FTO: variants seen among roughly 807,000 people sequenced by gnomAD.
FTO encodes FTO alpha-ketoglutarate dependent dioxygenase, also known as alpha-ketoglutarate-dependent dioxygenase FTO.
Under a neutral mutation model 63.9 loss-of-function variants are expected in FTO, and 47 were observed. The observed-to-expected ratio is 0.74, with a 90% CI of 0.58 to 0.94. FTO has a LOEUF of 0.94. Among genes scored for constraint, FTO ranks in the 40% least tolerant of loss-of-function variants. FTO has a pLI of 0.00. For synonymous variants in FTO, 207 were observed against 224.4 expected, an observed-to-expected ratio of 0.92 and a Z score of 0.69; for missense variants, 562 against 618.1, an observed-to-expected ratio of 0.91 and a Z score of 0.96.
chr16:53,869,188 GT>G (rs1213226699), intron 4 of FTO, among the ~76,000 whole-genome samples: 1 of 150,364 alleles, frequency 6.7e-6, no homozygotes, highest in African/African-American at 2.4e-5. Context: ...CTAGGTTGCT[GT>G]TTTTTTTTCC....
In FTO at chr16:53,832,250, G is replaced by A. The variant is rs2079163584; in HGVS notation, c.751+5759G>A. 2.0e-5 allele frequency among the ~76,000 whole-genome samples: 3 copies of A among 152,106 alleles called. No homozygotes were observed. The South Asian group carries it at 6.2e-4, about 32-fold the overall frequency. On this transcript the variant is annotated intron_variant, in intron 3 of 8. Transcript: ENST00000471389. ...CCCCTCTGTGAATGGCTTTATTCGG[G>A]AATAACTGACATACAATAAGCTATA... is the stretch of plus-strand genomic sequence containing the variant.
At chr16:54,088,579 A>G (rs2086301824) in intron 8 of FTO, among the ~76,000 whole-genome samples, 1 of 152,212 alleles carries the variant, frequency 6.6e-6, no homozygotes, top group South Asian at 2.1e-4. Context: ...GACAAAAACA[A>G]CTATGAGATA....
chr16:53,802,118 C>T (rs2078244170), intron 1 of FTO, among the ~76,000 whole-genome samples: 1 of 152,094 alleles, frequency 6.6e-6, no homozygotes, highest in Non-Finnish European at 1.5e-5. Flanking sequence ...TCATCTCTTG[C>T]TATCTGTGGG....
intron 1 of FTO, among the ~76,000 whole-genome samples, chr16:53,751,653 A>T (rs1026810183): frequency 7.2e-5 from 11 of 152,310 alleles, no homozygotes; most frequent in African/African-American, 2.6e-4. Flanking sequence ...GGTGAGAATC[A>T]GGAGTGAGGG....
chr16:54,107,326 G>C (rs1247502729), intron 8 of FTO, among the ~76,000 whole-genome samples: 1 of 152,070 alleles, frequency 6.6e-6, no homozygotes, highest in African/African-American at 2.4e-5. Flanking sequence ...TAATTGTTTA[G>C]CTGGGTTCAG....
At chr16:53,724,938 A>C (rs2076121351) in intron 1 of FTO, among the ~76,000 whole-genome samples, 1 of 152,152 alleles carries the variant, frequency 6.6e-6, no homozygotes, top group South Asian at 2.1e-4. Flanking sequence ...AAGTCCAGTA[A>C]AATTTTCTTA....
At position 54,093,194 on chromosome 16, in the gene FTO, G is replaced by A. The variant is rs543065968; in HGVS notation, c.1365-18568G>A. 5.9e-5 allele frequency among the ~76,000 whole-genome samples: 9 copies of A among 152,282 alleles called. No individual in the cohort carries two copies. The Middle Eastern group carries it at 0.014, about 230-fold the overall frequency. On this transcript the variant is annotated intron_variant, in intron 8 of 8. Transcript: ENST00000471389. ...AACCCTGGCCCCGGAACTTACTGGC[G>A]GATGCCTTTGGGCACTAGGACCTTT... is the stretch of plus-strand genomic sequence containing the variant.
At chr16:53,744,035 A>G (rs1042338782) in intron 1 of FTO, among the ~76,000 whole-genome samples, 1 of 152,234 alleles carries the variant, frequency 6.6e-6, no homozygotes, top group Non-Finnish European at 1.5e-5. Flanking sequence ...CATTTTCTCC[A>G]GTCGTCTTGT....
intron 8 of FTO, among the ~76,000 whole-genome samples, chr16:54,058,725 T>TC (rs1179602168): frequency 6.6e-6 from 1 of 152,104 alleles, no homozygotes; most frequent in Non-Finnish European, 1.5e-5. Context: ...ACTTGGCTTT[T>TC]CCCCCCACCT....
In FTO at chr16:53,948,508, AG is replaced by A. The variant is rs530170469; in HGVS notation, c.1364+14401del. Among the ~76,000 whole-genome samples the A allele has an allele frequency of 5.4e-4, 83 of 152,340 alleles. 1 individual carries two copies. The South Asian group carries it at 0.017, about 30-fold the overall frequency. ...GTAGAACAATGTTACAAGGTCACAGAGGCAATACCCAGATTGTCTTCTGGTC... is the reference window on the plus strand; with the variant it reads ...GTAGAACAATGTTACAAGGTCACAGAGCAATACCCAGATTGTCTTCTGGTC... On this transcript the variant is annotated intron_variant, in intron 8 of 8. Transcript: ENST00000471389.
chr16:53,854,219 C>A (rs1406085882), intron 4 of FTO, among the ~76,000 whole-genome samples: 1 of 151,744 alleles, frequency 6.6e-6, no homozygotes, highest in East Asian at 1.9e-4. Flanking sequence ...GGTTCTTTGT[C>A]AGATGCATAG....
chr16:54,046,961 C>G (rs1209735828), intron 8 of FTO, among the ~76,000 whole-genome samples: 1 of 134,738 alleles, frequency 7.4e-6, no homozygotes, highest in Non-Finnish European at 1.6e-5. Context: ...AAAATCAATT[C>G]AAGATGGATT....
At chr16:53,927,837 G>T (rs920303661) in intron 7 of FTO, among the ~76,000 whole-genome samples, 29 of 152,166 alleles carry the variant, frequency 1.9e-4, no homozygotes, top group African/African-American at 7.0e-4. Flanking sequence ...AAAAAGATAT[G>T]CCTCTGGCTT....
intron 8 of FTO, among the ~76,000 whole-genome samples, chr16:53,982,419 G>T (rs1281117083): frequency 6.6e-6 from 1 of 152,122 alleles, no homozygotes; most frequent in Non-Finnish European, 1.5e-5. Flanking sequence ...CAGAACCAAT[G>T]AACTGATGAA....
chr16:53,808,576 A>G (rs1322393453), intron 1 of FTO, among the ~76,000 whole-genome samples: 1 of 152,158 alleles, frequency 6.6e-6, no homozygotes, highest in Non-Finnish European at 1.5e-5. Context: ...TTTTACCCAA[A>G]AGGAAGTTTC....
At chr16:54,082,530 A>G (rs1367344602) in intron 8 of FTO, among the ~76,000 whole-genome samples, 2 of 152,192 alleles carry the variant, frequency 1.3e-5, no homozygotes, top group Non-Finnish European at 2.9e-5. Context: ...TGGGCCACGC[A>G]TGCTCCATGA....
rs1257477775 is a variant in FTO, at chr16:54,121,299, A to G, written c.*9384A>G. 1 of 152,250 alleles carries G rather than the reference A, an allele frequency of 6.6e-6. No homozygotes were observed. Among genetic ancestry groups the G allele is most frequent in the Non-Finnish European group, 1.5e-5 (1 of 68,048 alleles). The allele number at this position is 152,250 out of a possible 1,614,324, so 9.4% of individuals were successfully genotyped here. ...CATGTCTAGTACTTAGTAATGACTC[A>G]GCATGTATCAATTACGATGATAAAT... On this transcript the variant is annotated 3_prime_UTR_variant, in exon 9 of 9. Coordinates refer to ENST00000471389, the MANE Select transcript of FTO (RefSeq NM_001080432.3).
intron 4 of FTO, among the ~76,000 whole-genome samples, chr16:53,869,640 C>T (rs79048577): frequency 0.015 from 2,228 of 151,562 alleles, 54 homozygotes; most frequent in African/African-American, 0.05. Context: ...CTGCCTTGCC[C>T]AGTTCTCTAA....
intron 1 of FTO, among the ~76,000 whole-genome samples, chr16:53,737,395 A>G (rs1443871882): frequency 6.6e-6 from 1 of 152,238 alleles, no homozygotes; most frequent in Non-Finnish European, 1.5e-5. Context: ...GGTATAGCCT[A>G]TTCTCTACTG....
Sources: gnomAD v4.1 joint callset for allele counts (sites outside exome capture counted in the v4.1 genomes callset) on GRCh38, gnomAD v4.1.1 for gene constraint, MANE v1.5 for transcripts, NCBI Gene and HGNC (gene_info 2026-07-23, HGNC 2026-07-21) for gene names.